The following DUT variants were observed in gnomAD, a reference collection of about 807,000 sequenced individuals.
DUT encodes the protein deoxyuridine 5'-triphosphate nucleotidohydrolase, mitochondrial.
A neutral mutation model predicts 28.8 loss-of-function variants in DUT; 21 were observed. The observed-to-expected ratio is 0.73, with a 90% CI of 0.52 to 1.05. The LOEUF (loss-of-function observed/expected upper bound fraction) is 1.05. Ranked by LOEUF, DUT falls within the 50% of genes least tolerant of loss-of-function variation. The pLI is 0.00. For synonymous variants in DUT, 147 were observed against 143.7 expected, an observed-to-expected ratio of 1.02 and a Z score of -0.17; for missense variants, 344 against 351.8, an observed-to-expected ratio of 0.98 and a Z score of 0.18.
At chr15:48,332,501 A>C (rs931431349) in intron 2 of DUT, 95 bp downstream of exon 2, 12 of 1,080,802 alleles carry the variant, frequency 1.1e-5, no homozygotes, top group Non-Finnish European at 1.4e-5. Context: ...GGAACACACT[A>C]GCTATAAATA....
rs28381134 is a variant in DUT at position 48,339,354 on chromosome 15, A to G, written c.557-1935A>G. ...AAAATTTTTGAATAAAGTAGAAACAATAGTTCAGAAGTCAGTCCATGTCTT... is the reference window on the plus strand; with the variant it reads ...AAAATTTTTGAATAAAGTAGAAACAGTAGTTCAGAAGTCAGTCCATGTCTT... On this transcript the variant is annotated intron_variant, in intron 4 of 6. Coordinates refer to ENST00000331200, the MANE Select transcript of DUT (RefSeq NM_001025248.2). 5.5e-3 allele frequency among the ~76,000 whole-genome samples: 833 copies of G among 152,300 alleles called. 7 individuals are homozygous for G. Among genetic ancestry groups the G allele is most frequent in the African/African-American group, 0.02 (811 of 41,572 alleles).
upstream of DUT, chr15:48,331,413 C>G (rs553814657): frequency 1.1e-5 from 16 of 1,520,170 alleles, no homozygotes; most frequent in South Asian, 2.0e-4. Context: ...GCGGCTGCGA[C>G]TGCTTCCGAG....
At chr15:48,338,127 C>T (rs1367914878) in intron 4 of DUT, among the ~76,000 whole-genome samples, 3 of 151,194 alleles carry the variant, frequency 2.0e-5, no homozygotes, top group Admixed American at 6.6e-5. Flanking sequence ...TCTTGGAGGT[C>T]GAATGGCAAT....
Position 48,332,179 on chromosome 15 carries a change from C to T in DUT, c.281-89C>T, listed in dbSNP as rs1043398117. The T allele has an allele frequency of 4.1e-6, 6 of 1,475,502 alleles. No homozygotes were observed. The South Asian group carries it at 7.0e-5, about 17-fold the overall frequency. The allele number at this position is 1,475,502 out of a possible 1,614,324, so 91.4% of individuals were successfully genotyped here. ...GGCGGGAAATTTCGGTTTTGGCGCGCTCCCTGCGGCGACGCTCATCGTGCG... is the reference window on the plus strand; with the variant it reads ...GGCGGGAAATTTCGGTTTTGGCGCGTTCCCTGCGGCGACGCTCATCGTGCG... On this transcript the variant is annotated intron_variant, in intron 1 of 6. Transcript: ENST00000331200.
chr15:48,342,159 G>A lies in DUT; in HGVS notation c.*81G>A, dbSNP rs2042544645. The stretch of plus-strand genomic sequence containing the variant: ...AAAAGTTTTTGCTTCAAGTGTTTTG[G>A]TGTTTTGCACTTCTGTAAACTTACT... On this transcript the variant is annotated 3_prime_UTR_variant, in exon 7 of 7. Coordinates refer to ENST00000331200, the MANE Select transcript of DUT (RefSeq NM_001025248.2). The A allele has an allele frequency of 1.9e-6, 2 of 1,072,832 alleles. No homozygotes were observed. The highest frequency in any genetic ancestry group is 2.1e-5 in the South Asian group (1 of 47,294). 66.5% of individuals were successfully genotyped at this position (1,072,832 alleles called of 1,614,324 possible).
At chr15:48,331,912 G>A (rs1361689286) in intron 1 of DUT, 117 bp downstream of exon 1, 1 of 314,318 alleles carries the variant, frequency 3.2e-6, no homozygotes, top group Non-Finnish European at 5.5e-6. Flanking sequence ...GGGGGGTGGG[G>A]TGGTCCATTA....
chr15:48,332,489 C>T (rs550333076), intron 2 of DUT, 83 bp downstream of exon 2: 31 of 1,167,016 alleles, frequency 2.7e-5, no homozygotes, highest in Non-Finnish European at 3.7e-5. Flanking sequence ...GGAGAGATCA[C>T]AGGAACACAC....
At position 48,331,724 on chromosome 15, in the gene DUT, C is replaced by A. The variant is rs892143966; in HGVS notation, c.209C>A (p.Ala70Asp). 6.7e-6 allele frequency: 10 copies of A among 1,491,174 alleles called. No individual in the cohort carries two copies. The highest frequency in any genetic ancestry group is 2.1e-4 in the Middle Eastern group (1 of 4,728). 92.4% of individuals were successfully genotyped at this position (1,491,174 alleles called of 1,614,324 possible). A position where few individuals can be genotyped will look rare whatever the true frequency, so the allele number is the denominator to read the frequency against. Reference sequence around the variant, plus strand: ...CGCCTGAGCCAAGGCTGCCGCGGAGCCAGTACAGTCGGGGCCGCTGGCTGG... The same window carrying A: ...CGCCTGAGCCAAGGCTGCCGCGGAGACAGTACAGTCGGGGCCGCTGGCTGG... Reference protein sequence around the residue: ...AGRLSQGCRGASTVGAAGWKG... With the variant: ...AGRLSQGCRGDSTVGAAGWKG... Residue 70 changes from alanine (A) to aspartate (D), a missense_variant, in exon 1 of 7, where the codon GCC (alanine) becomes GAC (aspartate). Ala to Asp is a moderately radical substitution (Grantham distance 126). Transcript: ENST00000331200.
At position 48,332,332 on chromosome 15, in the gene DUT, C is replaced by T. The variant is rs769976534; in HGVS notation, c.345C>T (p.Arg115=). ...RPAEVGGMQL[R]FARLSEHATA... ...CGGAGGTGGGCGGCATGCAGCTCCG[C>T]TTTGCCCGGCTCTCCGAGCACGCCA... Residue 115 remains arginine, a synonymous_variant, in exon 2 of 7, where the codon CGC becomes CGT. Transcript: ENST00000331200. 1.2e-5 allele frequency: 20 copies of T among 1,607,586 alleles called. No individual in the cohort carries two copies. Among genetic ancestry groups the T allele is most frequent in the Non-Finnish European group, 1.2e-5 (14 of 1,177,918 alleles).
At chr15:48,339,804 A>G (rs2141167227) in intron 4 of DUT, among the ~76,000 whole-genome samples, 1 of 152,260 alleles carries the variant, frequency 6.6e-6, no homozygotes, top group Admixed American at 6.5e-5. Context: ...GAAGTGCTTA[A>G]ATTCAGATTC....
intron 3 of DUT, 64 bp downstream of exon 3, chr15:48,334,572 T>A: frequency 7.9e-7 from 1 of 1,273,352 alleles, no homozygotes; most frequent in South Asian, 1.3e-5. Context: ...TTCTTCATGT[T>A]TCATTTGGGG....
chr15:48,332,051 T>A (rs1338784532), intron 1 of DUT: 2 of 1,141,262 alleles, frequency 1.8e-6, no homozygotes, highest in African/African-American at 3.3e-5. Context: ...ATCCCAAACC[T>A]GCTTTCCGAG....
At chr15:48,332,148 G>A in intron 1 of DUT, 120 bp from the exon 2 acceptor site, 1 of 1,416,598 alleles carries the variant, frequency 7.1e-7, no homozygotes, top group Non-Finnish European at 9.2e-7. Context: ...TGGGTGGGGC[G>A]GGGCTGGCGG....
chr15:48,332,248 T>A lies in DUT; in HGVS notation c.281-20T>A. ...GGTCTCCTCGCTCGCCTTCTGGCTC[T>A]GCCATGCCCTGCTCTGAAGAGACAC... On this transcript the variant is annotated intron_variant, in intron 1 of 6. Transcript: ENST00000331200. 6.3e-7 allele frequency: 1 copy of A among 1,582,924 alleles called. No individual in the cohort carries two copies. The highest frequency in any genetic ancestry group is 1.1e-5 in the South Asian group (1 of 88,716).
In DUT at chr15:48,342,175, T is replaced by C. The variant is rs1179164793; in HGVS notation, c.*97T>C. 5.3e-6 allele frequency: 4 copies of C among 752,660 alleles called. No individual in the cohort carries two copies. The highest frequency in any genetic ancestry group is 1.8e-5 in the African/African-American group (1 of 54,168). 46.6% of individuals were successfully genotyped at this position (752,660 alleles called of 1,614,324 possible). ...AGTGTTTTGGTGTTTTGCACTTCTG[T>C]AAACTTACTAGCTTTACCTTCTAAA... is the stretch of plus-strand genomic sequence containing the variant. On this transcript the variant is annotated 3_prime_UTR_variant, in exon 7 of 7. Transcript: ENST00000331200.
intron 6 of DUT, 22 bp from the exon 7 acceptor site, chr15:48,342,000 T>G (rs757726281): frequency 1.9e-6 from 3 of 1,561,846 alleles, no homozygotes; most frequent in South Asian, 1.2e-5. Flanking sequence ...ACTGTGAAGC[T>G]TACTACCTTT....
chr15:48,341,296 C>T lies in DUT; in HGVS notation c.564C>T (p.Val188=). 6.3e-7 allele frequency: 1 copy of T among 1,596,442 alleles called. No homozygotes were observed. The highest frequency in any genetic ancestry group is 1.9e-4 in the Middle Eastern group (1 of 5,164). Residue 188 remains valine (V), a synonymous_variant, in exon 5 of 7, where the codon GTC becomes GTT. Coordinates refer to ENST00000331200, the MANE Select transcript of DUT (RefSeq NM_001025248.2). ...TACTTTTCTTTTCTCTAGCTGGTGT[C>T]ATAGATGAAGATTATAGAGGAAATG... is the stretch of plus-strand genomic sequence containing the variant. ...AKHFIDVGAG[V]IDEDYRGNVG... is the part of the protein sequence containing the mutation.
intron 2 of DUT, 78 bp downstream of exon 2, chr15:48,332,484 G>T (rs2042429404): frequency 2.4e-6 from 3 of 1,274,408 alleles, no homozygotes; most frequent in Admixed American, 2.7e-5. Flanking sequence ...TCACCGGAGA[G>T]ATCACAGGAA....
Position 48,337,941 on chromosome 15 carries a change from G to T in DUT, c.556+1851G>T, listed in dbSNP as rs28381127. ...GTGTGGATAGTTTTTCACTAAAAAAGGTTTCCAACAAATGACATGCCAAAC... is the reference window on the plus strand; with the variant it reads ...GTGTGGATAGTTTTTCACTAAAAAATGTTTCCAACAAATGACATGCCAAAC... On this transcript the variant is annotated intron_variant, in intron 4 of 6. Transcript: ENST00000331200. Among the ~76,000 whole-genome samples, 693 of 152,238 alleles carry T rather than the reference G, an allele frequency of 4.6e-3. 8 individuals carry two copies. Among genetic ancestry groups the T allele is most frequent in the East Asian group, 0.03 (157 of 5,180 alleles).
Sources: allele counts gnomAD v4.1 joint callset (sites outside exome capture counted in the v4.1 genomes callset), GRCh38; gene constraint gnomAD v4.1.1; transcripts MANE v1.5; gene names NCBI Gene and HGNC (gene_info 2026-07-23, HGNC 2026-07-21).